Variants in TMLHE observed in about 807,000 individuals in gnomAD.
TMLHE encodes the protein trimethyllysine hydroxylase, epsilon.
Under a neutral mutation model 25.7 loss-of-function variants are expected in TMLHE, and 18 were observed. The observed-to-expected ratio is 0.70, with a 90% confidence interval of 0.48 to 1.04. The LOEUF (loss-of-function observed/expected upper bound fraction) is 1.04. TMLHE is among the 50% of genes least tolerant of loss of function. The pLI, the probability that TMLHE is intolerant of heterozygous loss-of-function variation, is 0.00. For missense variants in TMLHE, 236 were observed against 259.0 expected, an observed-to-expected ratio of 0.91 and a Z score of 0.61; for synonymous variants, 105 against 97.0, an observed-to-expected ratio of 1.08 and a Z score of -0.49.
chrX:155,533,377 A>ACG (rs1249896139), intron 2 of TMLHE, among the ~76,000 whole-genome samples: 5 of 57,039 alleles, frequency 8.8e-5, no homozygotes, highest in Non-Finnish European at 1.6e-4. Context: ...ACACGTGCAC[A>ACG]CGCACACACA....
intron 1 of TMLHE, among the ~76,000 whole-genome samples, chrX:155,547,806 TTTCA>T (rs2067362877): frequency 9.0e-6 from 1 of 111,456 alleles, no homozygotes; most frequent in African/African-American, 3.3e-5. Context: ...AGCCTCTTTC[TTTCA>T]TTATTTACCA....
At chrX:155,557,343 G>A (rs1466101928) in intron 1 of TMLHE, among the ~76,000 whole-genome samples, 11 of 112,092 alleles carry the variant, frequency 9.8e-5, no homozygotes, top group African/African-American at 2.9e-4. Flanking sequence ...CACAATCCAC[G>A]TTCTTCTGTC....
At chrX:155,577,510 G>A (rs2067598234) in intron 1 of TMLHE, among the ~76,000 whole-genome samples, 2 of 109,061 alleles carry the variant, frequency 1.8e-5, no homozygotes, top group Admixed American at 2.0e-4. Flanking sequence ...AACCAAGGAG[G>A]CAGAGACTGC....
rs1011264391 is a variant in TMLHE, at chrX:155,550,842, C to T, written c.-1-5565G>A. ...TATGAACCACTTGGTTATTTGGTTA[C>T]TATGTCATCAAAGCAGGTTAAAAAC... On this transcript the variant is annotated intron_variant, in intron 1 of 7. Transcript: ENST00000334398. Among the ~76,000 whole-genome samples, 9 of 110,767 alleles carry T rather than the reference C, an allele frequency of 8.1e-5. 1 individual carries two copies. Among genetic ancestry groups the T allele is most frequent in the African/African-American group, 3.0e-4 (9 of 29,986 alleles).
intron 1 of TMLHE, among the ~76,000 whole-genome samples, chrX:155,568,058 G>A (rs2067518044): frequency 1.6e-5 from 1 of 61,573 alleles, no homozygotes; most frequent in African/African-American, 3.6e-5. Flanking sequence ...GAAGCGCAAG[G>A]GGTCAGGGAG....
Position 155,531,482 on chromosome X carries a change from G to A in TMLHE, c.182-6850C>T, listed in dbSNP as rs782307476. Among the ~76,000 whole-genome samples, 7 of 110,591 alleles carry A rather than the reference G, an allele frequency of 6.3e-5. 1 individual carries two copies. In the Admixed American group the frequency reaches 6.7e-4, roughly 11 times the overall value. ...GATCTTGTCTGAATTCATTACTGAG[G>A]GGCAGGCACCAAGCCATTCATGAGG... On this transcript the variant is annotated intron_variant, in intron 2 of 7. Coordinates refer to ENST00000334398, the MANE Select transcript of TMLHE (RefSeq NM_018196.4).
chrX:155,585,140 T>C (rs2067656024), intron 1 of TMLHE, among the ~76,000 whole-genome samples: 1 of 111,115 alleles, frequency 9.0e-6, no homozygotes, highest in Non-Finnish European at 1.9e-5. Flanking sequence ...TGAATGCAAA[T>C]GGACTAAATT....
rs1294792147 is a variant in TMLHE at position 155,519,166 on chromosome X, A to C, written c.359-4901T>G. 8.4e-3 allele frequency among the ~76,000 whole-genome samples: 82 copies of C among 9,804 alleles called. 4 individuals carry two copies. The highest frequency in any genetic ancestry group is 0.016 in the African/African-American group (75 of 4,746). 8.5% of individuals were successfully genotyped at this position (9,804 alleles called of 115,157 possible). On this transcript the variant is annotated intron_variant, in intron 3 of 7. Transcript: ENST00000334398. ...TTCTCTTGTAGGCATTTAGTGCTAT[A>C]AATTTCCCTCTACACACTGCTTTGA...
At position 155,511,791 on chromosome X, in the gene TMLHE, C is replaced by G; in HGVS notation, c.640G>C (p.Glu214Gln). 8.6e-7 allele frequency: 1 copy of G among 1,161,334 alleles called. No homozygotes were observed. The highest frequency in any genetic ancestry group is 1.8e-5 in the African/African-American group (1 of 56,823). Residue 214 changes from glutamate to glutamine, a missense_variant and splice_region_variant, in exon 5 of 8, where the codon GAA becomes CAA. Glu to Gln is a conservative substitution (Grantham distance 29). Coordinates refer to ENST00000334398, the MANE Select transcript of TMLHE (RefSeq NM_018196.4). ...TACCACATCCTCCCATAAATGGTTT[C>G]TCTGTTAGTTGAAATAAAGAAAGAC... The part of the protein sequence containing the change: ...KLAERISLIR[E>Q]TIYGRMWYFT...
chrX:155,551,957 G>A (rs1029005503), intron 1 of TMLHE, among the ~76,000 whole-genome samples: 13 of 109,988 alleles, frequency 1.2e-4, no homozygotes, highest in Non-Finnish European at 1.9e-4. Flanking sequence ...CTCATAAATG[G>A]ATGTTGAATT....
intron 1 of TMLHE, among the ~76,000 whole-genome samples, chrX:155,582,629 T>C (rs1557344706): frequency 3.6e-5 from 4 of 111,587 alleles, no homozygotes; most frequent in East Asian, 2.8e-4. Flanking sequence ...GAGATACCAT[T>C]TCACACCAGT....
intron 1 of TMLHE, among the ~76,000 whole-genome samples, chrX:155,584,137 A>G (rs782417198): frequency 1.8e-5 from 2 of 110,750 alleles, no homozygotes; most frequent in African/African-American, 3.3e-5. Context: ...TATGAATTAG[A>G]AATTTTTCAA....
rs1170419562 is a variant in TMLHE, at chrX:155,571,388, C to A, written c.-1-26111G>T. Reference sequence around the variant, plus strand: ...GTCCAGGACCAGATGGATTCACAGCCGAATTCTACCAGAGGTACAAGGAGG... The same window carrying A: ...GTCCAGGACCAGATGGATTCACAGCAGAATTCTACCAGAGGTACAAGGAGG... On this transcript the variant is annotated intron_variant, in intron 1 of 7. Transcript: ENST00000334398. Among the ~76,000 whole-genome samples, 4 of 55,257 alleles carry A rather than the reference C, an allele frequency of 7.2e-5. 1 individual carries two copies. The highest frequency in any genetic ancestry group is 1.7e-4 in the African/African-American group (4 of 22,956). The allele number at this position is 55,257 out of a possible 115,157, so 48.0% of individuals were successfully genotyped here.
chrX:155,525,568 G>A (rs1465766393), intron 2 of TMLHE, among the ~76,000 whole-genome samples: 3 of 112,231 alleles, frequency 2.7e-5, no homozygotes, highest in Non-Finnish European at 3.8e-5. Context: ...TTGGAACTGG[G>A]TAACAGGCAG....
At position 155,545,259 on chromosome X, in the gene TMLHE, C is replaced by T. The variant is rs1222100028; in HGVS notation, c.18G>A (p.Leu6=). 4 of 1,193,685 alleles carry T rather than the reference C, an allele frequency of 3.4e-6. No individual in the cohort carries two copies. In the African/African-American group the frequency reaches 5.3e-5, roughly 16 times the overall value. The change falls in exon 2 of 8, where the codon TTG becomes TTA. Residue 6 remains leucine, a synonymous_variant. Coordinates refer to ENST00000334398, the MANE Select transcript of TMLHE (RefSeq NM_018196.4). MWYHR[L]SHLHSRLQDL... ...CCTGAAGCCTGCTGTGTAGGTGGGA[C>T]AATCTGTGGTACCACATCCTAGAAG...
intron 6 of TMLHE, among the ~76,000 whole-genome samples, chrX:155,500,425 A>G (rs1412464281): frequency 4.4e-5 from 4 of 91,354 alleles, no homozygotes; most frequent in Non-Finnish European, 6.4e-5. Flanking sequence ...CAAAACCACA[A>G]TGAGATACCG....
chrX:155,568,611 C>T (rs1557342486), intron 1 of TMLHE, among the ~76,000 whole-genome samples: 1 of 61,460 alleles, frequency 1.6e-5, no homozygotes, highest in African/African-American at 3.6e-5. Context: ...ACACCTCACA[C>T]GGCTGGGTAC....
intron 1 of TMLHE, among the ~76,000 whole-genome samples, chrX:155,582,448 A>G (rs1292379240): frequency 2.7e-5 from 3 of 112,439 alleles, no homozygotes; most frequent in Non-Finnish European, 3.8e-5. Context: ...AATATCCAGT[A>G]TCTACAAAGA....
At chrX:155,586,903 CA>C (rs1309809593) in intron 1 of TMLHE, among the ~76,000 whole-genome samples, 1 of 111,836 alleles carries the variant, frequency 8.9e-6, no homozygotes, top group Non-Finnish European at 1.9e-5. Flanking sequence ...AGCTCAGGAC[CA>C]GATGGATTCA....
Sources: allele counts gnomAD v4.1 joint callset (sites outside exome capture counted in the v4.1 genomes callset), GRCh38; gene constraint gnomAD v4.1.1; transcripts MANE v1.5; gene names NCBI Gene and HGNC (gene_info 2026-07-23, HGNC 2026-07-21).